Variants in ADAMTS16 observed in about 807,000 individuals in gnomAD.
ADAMTS16 encodes ADAM metallopeptidase with thrombospondin type 1 motif 16.
Under a neutral mutation model 145.8 loss-of-function variants are expected in ADAMTS16, and 94 were observed. The observed-to-expected ratio is 0.64, with a 90% CI of 0.55 to 0.77. ADAMTS16 has a LOEUF of 0.77. Among genes scored for constraint, ADAMTS16 ranks in the 30% least tolerant of loss-of-function variants. ADAMTS16 has a pLI of 0.00. For synonymous variants in ADAMTS16, 659 were observed against 604.3 expected, an observed-to-expected ratio of 1.09 and a Z score of -1.33; for missense variants, 1,585 against 1,591.5, an observed-to-expected ratio of 1.00 and a Z score of 0.07.
intron 21 of ADAMTS16, among the ~76,000 whole-genome samples, chr5:5,315,992 A>G (rs1734043938): frequency 6.6e-6 from 1 of 152,120 alleles, no homozygotes; most frequent in African/African-American, 2.4e-5. Flanking sequence ...TGTGACTTTC[A>G]GGGCCATTTG....
chr5:5,252,113 T>C (rs1579342975), intron 17 of ADAMTS16, among the ~76,000 whole-genome samples: 1 of 152,204 alleles, frequency 6.6e-6, no homozygotes, highest in Non-Finnish European at 1.5e-5. Flanking sequence ...CCTCCCAAAG[T>C]GCTGGGATTG....
chr5:5,223,141 T>G, intron 11 of ADAMTS16: 1 of 485,164 alleles, frequency 2.1e-6, no homozygotes, highest in African/African-American at 1.9e-5. Flanking sequence ...TGATGACAGA[T>G]TCAGTCTATT....
chr5:5,278,452 A>T (rs1468558664), intron 18 of ADAMTS16, among the ~76,000 whole-genome samples: 1 of 152,110 alleles, frequency 6.6e-6, no homozygotes, highest in Non-Finnish European at 1.5e-5. Context: ...GCCCATGGTT[A>T]CTCATTGTCA....
chr5:5,211,155 A>T (rs1736263837), intron 10 of ADAMTS16, among the ~76,000 whole-genome samples: 2 of 152,174 alleles, frequency 1.3e-5, no homozygotes, highest in Admixed American at 1.3e-4. Context: ...TTTGTAAAAG[A>T]TTGGTGTTGT....
intron 10 of ADAMTS16, among the ~76,000 whole-genome samples, chr5:5,213,621 C>T (rs774471156): frequency 6.6e-5 from 10 of 152,150 alleles, no homozygotes; most frequent in Non-Finnish European, 1.0e-4. Flanking sequence ...TAGGGCTCAT[C>T]GCTTTCAGTT....
chr5:5,209,439 G>C (rs1454507797), intron 10 of ADAMTS16, among the ~76,000 whole-genome samples, 193 bp downstream of exon 10: 1 of 152,190 alleles, frequency 6.6e-6, no homozygotes, highest in African/African-American at 2.4e-5. Context: ...ACTGTTGTGG[G>C]TATCAGTTTT....
At chr5:5,316,439 A>G (rs1273929485) in intron 21 of ADAMTS16, among the ~76,000 whole-genome samples, 1 of 152,096 alleles carries the variant, frequency 6.6e-6, no homozygotes, top group Non-Finnish European at 1.5e-5. Flanking sequence ...CACAATTTAC[A>G]TGATTTAGTC....
chr5:5,195,548 C>T (rs1205816489), intron 8 of ADAMTS16, among the ~76,000 whole-genome samples: 5 of 152,274 alleles, frequency 3.3e-5, no homozygotes, highest in Admixed American at 2.0e-4. Flanking sequence ...CTATATGCTC[C>T]GTAGCTCATA....
intron 18 of ADAMTS16, among the ~76,000 whole-genome samples, chr5:5,267,247 G>A (rs973260296): frequency 8.5e-5 from 13 of 152,104 alleles, no homozygotes; most frequent in Admixed American, 1.3e-4. Flanking sequence ...CATGTGTTAC[G>A]GTGTGCTCTT....
chr5:5,154,645 A>C (rs542496931), intron 3 of ADAMTS16, among the ~76,000 whole-genome samples: 2 of 152,276 alleles, frequency 1.3e-5, no homozygotes, highest in African/African-American at 4.8e-5. Flanking sequence ...GCAATATCAC[A>C]AAGTCGGGTG....
chr5:5,217,423 C>A (rs1736467906), intron 10 of ADAMTS16, among the ~76,000 whole-genome samples: 1 of 152,180 alleles, frequency 6.6e-6, no homozygotes, highest in East Asian at 1.9e-4. Context: ...TCATGAAATT[C>A]TTTTCTAAGC....
intron 20 of ADAMTS16, among the ~76,000 whole-genome samples, chr5:5,304,557 C>T (rs530510459): frequency 2.6e-5 from 4 of 152,226 alleles, no homozygotes; most frequent in South Asian, 4.1e-4. Flanking sequence ...AAGCTCCTCC[C>T]TGATCCCACG....
intron 21 of ADAMTS16, among the ~76,000 whole-genome samples, chr5:5,308,120 G>A (rs776822052): frequency 6.6e-6 from 1 of 152,224 alleles, no homozygotes; most frequent in Non-Finnish European, 1.5e-5. Context: ...GAAGTCTTAC[G>A]TTGATCGTGC....
At chr5:5,189,362 A>G (rs1055339178) in intron 6 of ADAMTS16, among the ~76,000 whole-genome samples, 2 of 152,206 alleles carry the variant, frequency 1.3e-5, no homozygotes, top group African/African-American at 4.8e-5. Context: ...TCTGAACCTA[A>G]TGGAGACAGA....
chr5:5,162,206 T>C (rs180879031), intron 3 of ADAMTS16, among the ~76,000 whole-genome samples: 74 of 152,376 alleles, frequency 4.9e-4, no homozygotes, highest in Middle Eastern at 3.4e-3. Context: ...AAGCACCTAC[T>C]GTATGCCAGG....
At chr5:5,222,989 T>A in intron 11 of ADAMTS16, 105 bp downstream of exon 11, 1 of 914,580 alleles carries the variant, frequency 1.1e-6, no homozygotes, top group Non-Finnish European at 1.8e-6. Flanking sequence ...GTATTTCTCA[T>A]ATACATATGC....
At chr5:5,157,078 A>C (rs1734622612) in intron 3 of ADAMTS16, among the ~76,000 whole-genome samples, 1 of 151,984 alleles carries the variant, frequency 6.6e-6, no homozygotes, top group South Asian at 2.1e-4. Flanking sequence ...CATTAGTTGA[A>C]TGTATTTTTC....
In ADAMTS16 at chr5:5,193,441, T is replaced by G. The variant is rs1387211905; in HGVS notation, c.1313+1651T>G. Among the ~76,000 whole-genome samples, 12 of 152,308 alleles carry G rather than the reference T, an allele frequency of 7.9e-5. No individual in the cohort carries two copies. The South Asian group carries it at 2.5e-3, about 32-fold the overall frequency. On this transcript the variant is annotated intron_variant, in intron 8 of 22. Transcript: ENST00000274181. ...GAGTTAAAACTTCAAAAACTCTCAT[T>G]ATTGTAACAACATGAGGCTCCTGCT...
intron 3 of ADAMTS16, among the ~76,000 whole-genome samples, chr5:5,159,358 C>G (rs555555377): frequency 2.0e-5 from 3 of 152,118 alleles, no homozygotes; most frequent in Admixed American, 1.3e-4. Context: ...AGCTCACTAC[C>G]CTGGGCTTCA....
Sources: allele counts gnomAD v4.1 joint callset (sites outside exome capture counted in the v4.1 genomes callset), GRCh38; gene constraint gnomAD v4.1.1; transcripts MANE v1.5; gene names NCBI Gene and HGNC (gene_info 2026-07-23, HGNC 2026-07-21).